The following TCF12 variants were observed in gnomAD, a reference collection of about 807,000 sequenced individuals.
TCF12 encodes the protein transcription factor 12.
A neutral mutation model predicts 86.0 loss-of-function variants in TCF12; 45 were observed. The ratio of observed to expected loss-of-function variants is 0.52; its 90% CI spans 0.41 to 0.67. The LOEUF (loss-of-function observed/expected upper bound fraction) is 0.67. TCF12 is among the 30% of genes least tolerant of loss of function. The pLI is 0.00. For synonymous variants in TCF12, 330 were observed against 299.6 expected (o/e 1.10, Z -1.05); for missense variants, 881 against 859.9 (o/e 1.02, Z -0.31).
At chr15:57,002,855 C>T (rs1298530766) in intron 3 of TCF12, among the ~76,000 whole-genome samples, 3 of 152,174 alleles carry the variant, frequency 2.0e-5, no homozygotes, top group Admixed American at 6.5e-5. Flanking sequence ...CCTTTACATA[C>T]TCGCACCTGC....
chr15:57,044,201 T>C (rs965376149), intron 3 of TCF12, among the ~76,000 whole-genome samples: 1 of 152,172 alleles, frequency 6.6e-6, no homozygotes, highest in East Asian at 1.9e-4. Context: ...ATAGTAAATT[T>C]ATATGATAAT....
intron 5 of TCF12, among the ~76,000 whole-genome samples, chr15:57,112,171 T>G (rs1240847490): frequency 1.3e-5 from 2 of 152,232 alleles, no homozygotes; most frequent in Non-Finnish European, 2.9e-5. Context: ...TGCTGACAGC[T>G]GAGGGCTCTA....
intron 3 of TCF12, among the ~76,000 whole-genome samples, chr15:57,000,940 T>C (rs558723382): frequency 6.6e-6 from 1 of 151,940 alleles, no homozygotes; most frequent in South Asian, 2.1e-4. Context: ...ATTTTTTTCC[T>C]AGAAATAAAT....
chr15:56,978,038 A>T (rs148723818), intron 3 of TCF12, among the ~76,000 whole-genome samples: 38 of 152,358 alleles, frequency 2.5e-4, no homozygotes, highest in African/African-American at 9.1e-4. Flanking sequence ...ACGGTAACAA[A>T]GATCTGTCTT....
chr15:57,070,678 G>A (rs369008337), intron 4 of TCF12, among the ~76,000 whole-genome samples: 9 of 152,176 alleles, frequency 5.9e-5, no homozygotes, highest in South Asian at 2.1e-4. Flanking sequence ...GTATTTTTTC[G>A]TTAATGTGGA....
At chr15:57,251,117 AT>A (rs2060096793) in intron 13 of TCF12, 1 of 417,362 alleles carries the variant, frequency 2.4e-6, no homozygotes, top group East Asian at 4.1e-5. Context: ...AGGTAGCTGT[AT>A]TTAAAATTAC....
At chr15:56,926,886 T>G (rs1257805215) in intron 3 of TCF12, among the ~76,000 whole-genome samples, 1 of 152,244 alleles carries the variant, frequency 6.6e-6, no homozygotes, top group Non-Finnish European at 1.5e-5. Context: ...CCAAGAATAG[T>G]GCCTAGCACA....
intron 3 of TCF12, among the ~76,000 whole-genome samples, chr15:56,942,965 A>G (rs567976943): frequency 5.3e-5 from 8 of 152,298 alleles, no homozygotes; most frequent in Non-Finnish European, 8.8e-5. Flanking sequence ...TGTTTTAACT[A>G]CTTCTGAAAA....
chr15:57,066,580 T>C (rs2068892291), intron 4 of TCF12, among the ~76,000 whole-genome samples: 1 of 152,166 alleles, frequency 6.6e-6, no homozygotes, highest in South Asian at 2.1e-4. Flanking sequence ...TTTTTTATTA[T>C]ACTTTTTATA....
chr15:57,056,500 C>T (rs563777221), intron 3 of TCF12, among the ~76,000 whole-genome samples: 1 of 152,072 alleles, frequency 6.6e-6, no homozygotes, highest in East Asian at 1.9e-4. Context: ...GTTCTGTCAC[C>T]AAAGCTGGAG....
At chr15:57,005,734 A>G (rs1167107654) in intron 3 of TCF12, among the ~76,000 whole-genome samples, 1 of 151,824 alleles carries the variant, frequency 6.6e-6, no homozygotes, top group Non-Finnish European at 1.5e-5. Flanking sequence ...ATGCCTGGCT[A>G]ATTTTTAGAT....
intron 5 of TCF12, among the ~76,000 whole-genome samples, chr15:57,150,504 A>G (rs1567520122): frequency 6.6e-6 from 1 of 152,198 alleles, no homozygotes; most frequent in Non-Finnish European, 1.5e-5. Context: ...ACTGATTCCA[A>G]GTCACTTAAC....
chr15:57,032,637 G>A (rs1370563222), intron 3 of TCF12, among the ~76,000 whole-genome samples: 1 of 152,086 alleles, frequency 6.6e-6, no homozygotes, highest in Non-Finnish European at 1.5e-5. Flanking sequence ...TAGAGAGGAG[G>A]TCTCACTATG....
chr15:57,268,497 C>T (rs2060972746), intron 18 of TCF12, among the ~76,000 whole-genome samples: 4 of 152,150 alleles, frequency 2.6e-5, no homozygotes, highest in Admixed American at 2.6e-4. Context: ...TTCTCCCATG[C>T]CCGCCTCAGC....
intron 5 of TCF12, among the ~76,000 whole-genome samples, chr15:57,161,022 T>G (rs1234541486): frequency 6.6e-6 from 1 of 152,094 alleles, no homozygotes; most frequent in Non-Finnish European, 1.5e-5. Flanking sequence ...TCCTAACCTC[T>G]TCATCTGTCA....
intron 19 of TCF12, among the ~76,000 whole-genome samples, chr15:57,277,995 A>G (rs1159978943): frequency 1.3e-5 from 2 of 152,032 alleles, no homozygotes; most frequent in Non-Finnish European, 2.9e-5. Flanking sequence ...TTTACCTTCC[A>G]TATACATCCT....
In TCF12 at chr15:57,223,643, G is replaced by GTTTTTTTTTT. The variant is rs550493641; in HGVS notation, c.580-7490_580-7481dup. Among the ~76,000 whole-genome samples, 660 of 69,664 alleles carry GTTTTTTTTTT rather than the reference G, an allele frequency of 9.5e-3. 148 individuals carry two copies. Among genetic ancestry groups the GTTTTTTTTTT allele is most frequent in the East Asian group, 0.038 (75 of 1,994 alleles). 45.7% of individuals were successfully genotyped at this position (69,664 alleles called of 152,430 possible). On this transcript the variant is annotated intron_variant, in intron 8 of 20. Transcript: ENST00000333725. ...GTTTTGGCACCTGCCTACCAATGAG[G>GTTTTTTTTTT]TTTTTTTTTTTTTTTTTTTTTTTTT...
chr15:57,190,457 G>T (rs1184038271), intron 6 of TCF12, among the ~76,000 whole-genome samples: 1 of 152,146 alleles, frequency 6.6e-6, no homozygotes, highest in Non-Finnish European at 1.5e-5. Flanking sequence ...GGTGATGGCA[G>T]TAAGGGGTAT....
chr15:57,173,132 C>G (rs1217786372), intron 6 of TCF12, among the ~76,000 whole-genome samples: 4 of 151,998 alleles, frequency 2.6e-5, no homozygotes, highest in Non-Finnish European at 4.4e-5. Flanking sequence ...ACCAGATGTT[C>G]AGAAGTTAAG....
Sources: gnomAD v4.1 joint callset for allele counts (sites outside exome capture counted in the v4.1 genomes callset) on GRCh38, gnomAD v4.1.1 for gene constraint, MANE v1.5 for transcripts, NCBI Gene and HGNC (gene_info 2026-07-23, HGNC 2026-07-21) for gene names.